Variants in THOC1 observed in about 807,000 individuals in gnomAD.
The protein encoded by THOC1 is THO complex 1.
A neutral mutation model predicts 97.3 loss-of-function variants in THOC1; 29 were observed. The ratio of observed to expected loss-of-function variants is 0.30; its 90% CI spans 0.22 to 0.41. The LOEUF (loss-of-function observed/expected upper bound fraction) is 0.41, where lower values mean the gene tolerates loss of function less well. Among genes scored for constraint, THOC1 ranks in the 10% least tolerant of loss-of-function variants. The pLI, the probability that THOC1 is intolerant of heterozygous loss-of-function variation, is 1.00. For missense variants in THOC1, 529 were observed against 761.9 expected (o/e 0.69, Z 3.60); for synonymous variants, 255 against 257.0 (o/e 0.99, Z 0.07).
rs1455771755 is a variant in THOC1 at position 254,421 on chromosome 18, T to C, written c.521-66A>G. On this transcript the variant is annotated intron_variant, in intron 7 of 20. Transcript: ENST00000261600. The surrounding 1 kb of genome is among the most constrained non-coding windows in gnomAD (Gnocchi z 4.1). ...GACACCTAAACTTATGTATAACTTG[T>C]GTCATAATCAAAACTACAAAATGCC... 5 of 995,146 alleles carry C rather than the reference T, an allele frequency of 5.0e-6. No homozygotes were observed. Among genetic ancestry groups the C allele is most frequent in the Admixed American group, 4.3e-5 (2 of 46,736 alleles). The allele number at this position is 995,146 out of a possible 1,614,324, so 61.6% of individuals were successfully genotyped here. A position where few individuals can be genotyped will look rare whatever the true frequency, so the allele number is the denominator to read the frequency against.
At chr18:266,209 T>C (rs1013288160) in intron 1 of THOC1, among the ~76,000 whole-genome samples, 1 of 152,246 alleles carries the variant, frequency 6.6e-6, no homozygotes, top group Non-Finnish European at 1.5e-5. Context: ...AACACTCACA[T>C]ACACTTAGAA....
At chr18:248,029 G>T in intron 9 of THOC1, 72 bp from the exon 10 acceptor site, 2 of 1,039,166 alleles carry the variant, frequency 1.9e-6, no homozygotes, top group Non-Finnish European at 2.8e-6. Context: ...TCTTAACTTA[G>T]CTTTGGTCAC....
chr18:227,870 C>T (rs1030815748), intron 11 of THOC1, among the ~76,000 whole-genome samples: 1 of 152,022 alleles, frequency 6.6e-6, no homozygotes, highest in Non-Finnish European at 1.5e-5. Flanking sequence ...TGGTTGGTAC[C>T]ATTTACTAAT....
At chr18:260,668 A>T (rs533400935) in intron 4 of THOC1, 1 of 153,972 alleles carries the variant, frequency 6.5e-6, no homozygotes, top group African/African-American at 2.4e-5. Flanking sequence ...GAGGTTAAAT[A>T]ACTTCACCAA....
At chr18:236,090 T>C (rs528309929) in intron 11 of THOC1, among the ~76,000 whole-genome samples, 1 of 152,178 alleles carries the variant, frequency 6.6e-6, no homozygotes, top group Non-Finnish European at 1.5e-5. Flanking sequence ...TTAAATTCTA[T>C]TTTATTTGTT....
chr18:235,846 C>CTTA (rs1911661432), intron 11 of THOC1, among the ~76,000 whole-genome samples: 1 of 152,178 alleles, frequency 6.6e-6, no homozygotes, highest in Non-Finnish European at 1.5e-5. Context: ...CTACACCAAG[C>CTTA]TTATTACTGT....
intron 18 of THOC1, among the ~76,000 whole-genome samples, chr18:218,017 T>A (rs1910952589): frequency 6.6e-6 from 1 of 152,134 alleles, no homozygotes; most frequent in East Asian, 1.9e-4. Flanking sequence ...ATTTTAAAGA[T>A]CACTGGCTGA....
rs1477095228 is a variant in THOC1 at position 214,933 on chromosome 18, A to G, written c.1679-12T>C. 1.9e-6 allele frequency: 3 copies of G among 1,612,404 alleles called. No homozygotes were observed. Among genetic ancestry groups the G allele is most frequent in the Non-Finnish European group, 2.5e-6 (3 of 1,179,148 alleles). ...CCGAACATCAGGACCTAGAAAATGA[A>G]GAGAATATAAATTATGCGCAATTCT... is the stretch of plus-strand genomic sequence containing the variant. On this transcript the variant is annotated splice_polypyrimidine_tract_variant and intron_variant, in intron 20 of 20. Coordinates refer to ENST00000261600, the MANE Select transcript of THOC1 (RefSeq NM_005131.3).
At chr18:218,340 A>C (rs1466734381) in intron 18 of THOC1, among the ~76,000 whole-genome samples, 1 of 152,154 alleles carries the variant, frequency 6.6e-6, no homozygotes, top group African/African-American at 2.4e-5. Context: ...ACTACTCTTC[A>C]ATTCCTATTT....
At chr18:226,489 T>C in intron 12 of THOC1, 1 of 239,856 alleles carries the variant, frequency 4.2e-6, no homozygotes, top group Admixed American at 5.3e-5. Flanking sequence ...CAAATCAGCT[T>C]TGGAGGAGGT....
intron 11 of THOC1, among the ~76,000 whole-genome samples, chr18:227,379 G>T (rs1911329071): frequency 6.6e-6 from 1 of 152,010 alleles, no homozygotes; most frequent in Non-Finnish European, 1.5e-5. Context: ...AAGAAATAAT[G>T]GCTAAAGAAG....
intron 7 of THOC1, among the ~76,000 whole-genome samples, chr18:257,733 G>T (rs1912480285): frequency 6.6e-6 from 1 of 151,698 alleles, no homozygotes. Context: ...TAAGGTATTG[G>T]CATTACCAGA....
At position 233,329 on chromosome 18, in the gene THOC1, G is replaced by A. The variant is rs534583431; in HGVS notation, c.919-6428C>T. On this transcript the variant is annotated intron_variant, in intron 11 of 20. Coordinates refer to ENST00000261600, the MANE Select transcript of THOC1 (RefSeq NM_005131.3). ...AGGCCAGGCCTGGTGGCTCACACCT[G>A]TAATCCCAGCACTTTGGGAGGCTGA... is the stretch of plus-strand genomic sequence containing the variant. Among the ~76,000 whole-genome samples the A allele has an allele frequency of 5.0e-3, 760 of 152,312 alleles. 4 individuals are homozygous for A. Among genetic ancestry groups the A allele is most frequent in the Middle Eastern group, 0.014 (4 of 294 alleles).
chr18:266,287 C>T (rs927419449), intron 1 of THOC1, among the ~76,000 whole-genome samples: 2 of 152,226 alleles, frequency 1.3e-5, no homozygotes, highest in African/African-American at 4.8e-5. Flanking sequence ...CTGCCACTAA[C>T]AGGCTGAGTA....
intron 1 of THOC1, 32 bp downstream of exon 1, chr18:267,934 G>C: frequency 2.5e-6 from 4 of 1,593,998 alleles, no homozygotes; most frequent in Non-Finnish European, 3.4e-6. Context: ...ATAGCGCCGG[G>C]TCAGGCCTGC....
chr18:243,555 T>C (rs1455443671), intron 11 of THOC1, among the ~76,000 whole-genome samples: 1 of 151,866 alleles, frequency 6.6e-6, no homozygotes, highest in Non-Finnish European at 1.5e-5. Context: ...AATATATATA[T>C]ATATATCAAT....
chr18:231,317 G>A (rs1911478782), intron 11 of THOC1, among the ~76,000 whole-genome samples: 2 of 152,006 alleles, frequency 1.3e-5, no homozygotes, highest in African/African-American at 4.8e-5. Context: ...ACCCTAAAAA[G>A]GCTCATGCTT....
rs756146337 is a variant in THOC1 at position 268,026 on chromosome 18, G to T, written c.-7C>A. On this transcript the variant is annotated 5_prime_UTR_variant, in exon 1 of 21. Transcript: ENST00000261600. ...GCGGCGGCGTCGGAGACATCTTCTC[G>T]GCTGCGCGTGCCCGCCACTGCGCTG... The T allele has an allele frequency of 6.3e-7, 1 of 1,579,560 alleles. No individual in the cohort carries two copies. The highest frequency in any genetic ancestry group is 8.6e-7 in the Non-Finnish European group (1 of 1,162,530).
chr18:235,331 TTA>T (rs1434345669), intron 11 of THOC1, among the ~76,000 whole-genome samples: 1 of 152,136 alleles, frequency 6.6e-6, no homozygotes, highest in Non-Finnish European at 1.5e-5. Flanking sequence ...CTGATATGTT[TTA>T]GTTTGTTTTA....
Sources: gnomAD v4.1 joint callset for allele counts (sites outside exome capture counted in the v4.1 genomes callset) on GRCh38, gnomAD v4.1.1 for gene constraint, Gnocchi (gnomAD v3.1) non-coding constraint, MANE v1.5 for transcripts, NCBI Gene and HGNC (gene_info 2026-07-23, HGNC 2026-07-21) for gene names.